Variants in PAX7 observed in about 807,000 individuals in gnomAD.
PAX7 encodes the protein paired box 7.
Under a neutral mutation model 50.7 loss-of-function variants are expected in PAX7, and 18 were observed. That is an observed-to-expected ratio of 0.36 (90% CI 0.25 to 0.53). The LOEUF (loss-of-function observed/expected upper bound fraction) is 0.53. Among genes scored for constraint, PAX7 ranks in the 20% least tolerant of loss-of-function variants. PAX7 has a pLI of 0.93. For synonymous variants in PAX7, 310 were observed against 290.4 expected (o/e 1.07, Z -0.69); for missense variants, 644 against 702.9 (o/e 0.92, Z 0.95).
At chr1:18,659,287 A>G (rs1207082054) in intron 4 of PAX7, among the ~76,000 whole-genome samples, 2 of 152,244 alleles carry the variant, frequency 1.3e-5, no homozygotes, top group Admixed American at 6.5e-5. Flanking sequence ...CAGGTGCTCA[A>G]TAAATGCTCC....
chr1:18,725,676 C>A (rs1325087616), intron 7 of PAX7, among the ~76,000 whole-genome samples: 24 of 152,218 alleles, frequency 1.6e-4, no homozygotes, highest in Non-Finnish European at 3.2e-4. Flanking sequence ...ATAGTCATAT[C>A]TTTTCCAGCG....
chr1:18,672,599 T>TTG (rs2100241167), intron 4 of PAX7, among the ~76,000 whole-genome samples: 1 of 146,296 alleles, frequency 6.8e-6, no homozygotes, highest in East Asian at 2.0e-4. Context: ...GCACTGTGTT[T>TTG]TTTTTTTTTT....
intron 7 of PAX7, among the ~76,000 whole-genome samples, chr1:18,728,230 T>A (rs746151792): frequency 2.6e-5 from 4 of 152,108 alleles, no homozygotes; most frequent in Non-Finnish European, 5.9e-5. Context: ...AGGGTCTGTG[T>A]ACCTCTTTGT....
In PAX7 at chr1:18,748,315, A is replaced by C. The variant is rs1931530956; in HGVS notation, c.*3386A>C. 1 of 227,932 alleles carries C rather than the reference A, an allele frequency of 4.4e-6. No homozygotes were observed. 14.1% of individuals were successfully genotyped at this position (227,932 alleles called of 1,614,324 possible). On this transcript the variant is annotated 3_prime_UTR_variant, in exon 9 of 9. Transcript: ENST00000420770. ...CTCAGTGACACTCCATCACCCAACT[A>C]AAAAGATGTTCTCTGGGACCTCTCT...
intron 4 of PAX7, among the ~76,000 whole-genome samples, chr1:18,657,491 G>A (rs1276553565): frequency 6.6e-6 from 1 of 152,080 alleles, no homozygotes. Flanking sequence ...CAGAGGAAGG[G>A]TTCCTGGCTG....
At chr1:18,681,844 C>T (rs1180772054) in intron 4 of PAX7, among the ~76,000 whole-genome samples, 3 of 151,874 alleles carry the variant, frequency 2.0e-5, no homozygotes, top group African/African-American at 2.4e-5. Context: ...CTCTGCCTCA[C>T]GGGTTCAAGT....
At position 18,700,257 on chromosome 1, in the gene PAX7, C is replaced by A. The variant is rs12405386; in HGVS notation, c.787-396C>A. Among the ~76,000 whole-genome samples the A allele has an allele frequency of 6.9e-3, 1,046 of 152,116 alleles. 41 individuals are homozygous for A. The East Asian group carries it at 0.099, about 14-fold the overall frequency. ...AGATGCGTGGCTTCCTCCTGGGGGGCTTCCTGGAGGAGGTGGTCAAGCAGG... is the reference window on the plus strand; with the variant it reads ...AGATGCGTGGCTTCCTCCTGGGGGGATTCCTGGAGGAGGTGGTCAAGCAGG... On this transcript the variant is annotated intron_variant, in intron 5 of 8. Coordinates refer to ENST00000420770, the MANE Select transcript of PAX7 (RefSeq NM_001135254.2). The surrounding 1 kb of genome is among the most constrained non-coding windows in gnomAD (Gnocchi z 4.8).
Position 18,636,470 on chromosome 1 carries a change from G to C in PAX7, c.586+99G>C, listed in dbSNP as rs1432128102. 2.1e-6 allele frequency: 3 copies of C among 1,410,678 alleles called. No individual in the cohort carries two copies. The Admixed American group carries it at 6.5e-5, about 31-fold the overall frequency. The allele number at this position is 1,410,678 out of a possible 1,614,324, so 87.4% of individuals were successfully genotyped here. A position where few individuals can be genotyped will look rare whatever the true frequency, so the allele number is the denominator to read the frequency against. On this transcript the variant is annotated intron_variant, in intron 4 of 8. Coordinates refer to ENST00000420770, the MANE Select transcript of PAX7 (RefSeq NM_001135254.2). This position sits in a 1 kb window ranked among gnomAD's most constrained non-coding sequence, Gnocchi z 5.1. Reference sequence around the variant, plus strand: ...CTCCCGCCGCCGGAGCAGGCGACCAGAACTCCAGCGGAGAAACTCTCATGC... The same window carrying C: ...CTCCCGCCGCCGGAGCAGGCGACCACAACTCCAGCGGAGAAACTCTCATGC...
Position 18,735,916 on chromosome 1 carries a change from T to A in PAX7, c.1402+38T>A. The A allele has an allele frequency of 6.2e-7, 1 of 1,613,982 alleles. No homozygotes were observed. The highest frequency in any genetic ancestry group is 1.3e-5 in the African/African-American group (1 of 75,030). On this transcript the variant is annotated intron_variant, in intron 8 of 8. Coordinates refer to ENST00000420770, the MANE Select transcript of PAX7 (RefSeq NM_001135254.2). The surrounding 1 kb of genome is among the most constrained non-coding windows in gnomAD (Gnocchi z 4.0). The stretch of plus-strand genomic sequence containing the variant: ...TGCCCTGGGCGTCCCCCGTCCCCAT[T>A]CCTTCTCCCACCCCCAGGGCCTCCT...
rs117387619 is a variant in PAX7, at chr1:18,668,546, T to A, written c.587-23208T>A. ...TGAGACCCCATCTTTACAAAAAATT[T>A]AAAAAAAATTAGCTGGGCATGGTGG... On this transcript the variant is annotated intron_variant, in intron 4 of 8. Coordinates refer to ENST00000420770, the MANE Select transcript of PAX7 (RefSeq NM_001135254.2). Among the ~76,000 whole-genome samples, 388 of 151,802 alleles carry A rather than the reference T, an allele frequency of 2.6e-3. 3 individuals carry two copies. The highest frequency in any genetic ancestry group is 0.012 in the East Asian group (64 of 5,146).
At position 18,712,763 on chromosome 1, in the gene PAX7, G is replaced by C. The variant is rs992112390; in HGVS notation, c.1155+9467G>C. 3.9e-5 allele frequency among the ~76,000 whole-genome samples: 6 copies of C among 152,296 alleles called. No homozygotes were observed. In the South Asian group the frequency reaches 8.3e-4, roughly 21 times the overall value. ...AGCCCACCTATCTGAGTCCGAACAA[G>C]AGGTGGGTGGAGGGTGGCCTTCAAG... is the stretch of plus-strand genomic sequence containing the variant. On this transcript the variant is annotated intron_variant, in intron 7 of 8. Transcript: ENST00000420770.
At chr1:18,646,564 G>A (rs1315735193) in intron 4 of PAX7, among the ~76,000 whole-genome samples, 1 of 152,272 alleles carries the variant, frequency 6.6e-6, no homozygotes. Context: ...GGTGGGAGGC[G>A]TCAGGAGTTC....
intron 1 of PAX7, among the ~76,000 whole-genome samples, chr1:18,633,825 C>T (rs992063332): frequency 6.6e-6 from 1 of 152,230 alleles, no homozygotes; most frequent in African/African-American, 2.4e-5. Flanking sequence ...TAGAACTGAG[C>T]AGATGAGCCA....
At chr1:18,717,094 G>A (rs895947757) in intron 7 of PAX7, among the ~76,000 whole-genome samples, 1 of 152,096 alleles carries the variant, frequency 6.6e-6, no homozygotes, top group East Asian at 1.9e-4. Flanking sequence ...CCGCCTGACA[G>A]TGGAAAATGC....
intron 4 of PAX7, among the ~76,000 whole-genome samples, chr1:18,672,032 G>A (rs985610496): frequency 2.0e-5 from 3 of 152,078 alleles, no homozygotes; most frequent in Non-Finnish European, 2.9e-5. Context: ...TAAAGTTCCT[G>A]TTGGTGTAGT....
chr1:18,651,109 C>G lies in PAX7; in HGVS notation c.586+14738C>G, dbSNP rs548688840. Among the ~76,000 whole-genome samples, 3 of 152,284 alleles carry G rather than the reference C, an allele frequency of 2.0e-5. No individual in the cohort carries two copies. The East Asian group carries it at 5.8e-4, about 29-fold the overall frequency. On this transcript the variant is annotated intron_variant, in intron 4 of 8. Coordinates refer to ENST00000420770, the MANE Select transcript of PAX7 (RefSeq NM_001135254.2). ...TGCTGCCCCCACCATGTCCCCTGAG[C>G]TGTGGCTTCCCCTCTCTCAGCCTTA...
At chr1:18,734,466 G>C (rs1176906856) in intron 7 of PAX7, among the ~76,000 whole-genome samples, 1 of 151,866 alleles carries the variant, frequency 6.6e-6, no homozygotes, top group Non-Finnish European at 1.5e-5. Context: ...CCTCTCCCCT[G>C]CTCTGCTCTG....
intron 7 of PAX7, among the ~76,000 whole-genome samples, chr1:18,721,708 A>C (rs555133079): frequency 6.6e-6 from 1 of 152,326 alleles, no homozygotes; most frequent in South Asian, 2.1e-4. Context: ...TGGGGATAAA[A>C]AGAACCATTT....
intron 4 of PAX7, among the ~76,000 whole-genome samples, chr1:18,690,596 A>T (rs2089054250): frequency 6.6e-6 from 1 of 152,346 alleles, no homozygotes; most frequent in Middle Eastern, 3.4e-3. Flanking sequence ...GCTGAAGCAG[A>T]TTCCTGGCCT....
Sources: gnomAD v4.1 joint callset for allele counts (sites outside exome capture counted in the v4.1 genomes callset) on GRCh38, gnomAD v4.1.1 for gene constraint, Gnocchi (gnomAD v3.1) non-coding constraint, MANE v1.5 for transcripts, NCBI Gene and HGNC (gene_info 2026-07-23, HGNC 2026-07-21) for gene names.